CCSER1: variants seen among roughly 807,000 people sequenced by gnomAD.
The protein encoded by CCSER1 is serine-rich coiled-coil domain-containing protein 1.
CCSER1 carries 41 observed loss-of-function variants against 82.0 expected under a neutral mutation model. That is an observed-to-expected ratio of 0.50 (90% confidence interval 0.39 to 0.65). CCSER1 has a LOEUF of 0.65. Among genes scored for constraint, CCSER1 ranks in the 30% least tolerant of loss-of-function variants. The probability of loss-of-function intolerance (pLI) is 0.00; values close to 1 mark genes in which losing one functional copy is unlikely to be tolerated. For missense variants in CCSER1, 1,119 were observed against 1,064.2 expected, an observed-to-expected ratio of 1.05 and a Z score of -0.72; for synonymous variants, 414 against 383.9, an observed-to-expected ratio of 1.08 and a Z score of -0.92.
intron 9 of CCSER1, among the ~76,000 whole-genome samples, chr4:91,014,447 C>A (rs1158492451): frequency 7.4e-6 from 1 of 134,436 alleles, no homozygotes; most frequent in Non-Finnish European, 1.7e-5. Flanking sequence ...CCACGTCCTA[C>A]TCCTAAATTT....
intron 5 of CCSER1, among the ~76,000 whole-genome samples, chr4:90,490,593 G>A (rs959965023): frequency 2.6e-5 from 4 of 152,098 alleles, no homozygotes; most frequent in Non-Finnish European, 4.4e-5. Context: ...TGAAGTCCTT[G>A]CCCATGCCTA....
At chr4:91,305,660 T>C (rs1332154281) in intron 10 of CCSER1, among the ~76,000 whole-genome samples, 1 of 146,780 alleles carries the variant, frequency 6.8e-6, no homozygotes, top group Non-Finnish European at 1.5e-5. Flanking sequence ...TGTGTATGTA[T>C]GTGTGTGTGT....
At chr4:90,480,437 C>G (rs1051979807) in intron 5 of CCSER1, among the ~76,000 whole-genome samples, 1 of 152,150 alleles carries the variant, frequency 6.6e-6, no homozygotes, top group African/African-American at 2.4e-5. Context: ...GTGTTTTAGA[C>G]ATGAAGTCCT....
intron 5 of CCSER1, among the ~76,000 whole-genome samples, chr4:90,582,443 T>G (rs529853043): frequency 1.3e-5 from 2 of 152,334 alleles, no homozygotes; most frequent in African/African-American, 4.8e-5. Flanking sequence ...ACTTTAGTGT[T>G]AAAACATGGG....
intron 10 of CCSER1, among the ~76,000 whole-genome samples, chr4:91,142,022 A>C (rs1231451116): frequency 6.6e-6 from 1 of 152,122 alleles, no homozygotes; most frequent in Non-Finnish European, 1.5e-5. Flanking sequence ...TCAGATTCAA[A>C]ATTTGTGAAT....
chr4:90,405,735 A>G (rs1753613327), intron 4 of CCSER1, among the ~76,000 whole-genome samples: 8 of 152,196 alleles, frequency 5.3e-5, no homozygotes, highest in Admixed American at 5.2e-4. Context: ...CAATTATCAG[A>G]CAAGAATTTT....
intron 10 of CCSER1, among the ~76,000 whole-genome samples, chr4:91,528,310 T>C (rs1760866691): frequency 6.6e-6 from 1 of 152,186 alleles, no homozygotes; most frequent in Non-Finnish European, 1.5e-5. Flanking sequence ...CCAATAATAA[T>C]TAAGAAAGTG....
intron 10 of CCSER1, among the ~76,000 whole-genome samples, chr4:91,114,259 GTCAAGAAACATCATAATAC>G (rs1726357285): frequency 6.6e-6 from 1 of 152,210 alleles, no homozygotes; most frequent in South Asian, 2.1e-4. Flanking sequence ...TTGATTCAAA[GTCAAGAAACATCATAATAC>G]TCTTACTGTA....
At chr4:90,449,319 G>A (rs1238713866) in intron 4 of CCSER1, among the ~76,000 whole-genome samples, 1 of 152,214 alleles carries the variant, frequency 6.6e-6, no homozygotes, top group Non-Finnish European at 1.5e-5. Flanking sequence ...AGTGCTGATG[G>A]GTTCATGGGT....
At chr4:90,388,341 T>TCTCA (rs10650552) in intron 3 of CCSER1, among the ~76,000 whole-genome samples, 51,607 of 151,540 alleles carry the variant, frequency 0.34, 9,374 homozygotes, top group African/African-American at 0.46. Context: ...TGAGACAGAG[T>TCTCA]CTCTGTCACC....
intron 6 of CCSER1, among the ~76,000 whole-genome samples, chr4:90,628,851 G>T (rs1052581971): frequency 6.6e-6 from 1 of 152,088 alleles, no homozygotes; most frequent in East Asian, 1.9e-4. Context: ...GCTTTGGTTT[G>T]ATTTTTATAA....
intron 3 of CCSER1, among the ~76,000 whole-genome samples, chr4:90,338,175 C>A (rs1192460667): frequency 1.3e-5 from 2 of 152,174 alleles, no homozygotes; most frequent in Non-Finnish European, 2.9e-5. Flanking sequence ...GTTGTCCTCA[C>A]CTCCCACTAT....
chr4:91,481,895 T>C (rs899993225), intron 10 of CCSER1, among the ~76,000 whole-genome samples: 1 of 152,010 alleles, frequency 6.6e-6, no homozygotes, highest in Non-Finnish European at 1.5e-5. Flanking sequence ...GGCTAATATC[T>C]AGAATTTACA....
intron 1 of CCSER1, among the ~76,000 whole-genome samples, chr4:90,169,540 T>G (rs1477067961): frequency 6.6e-6 from 1 of 152,088 alleles, no homozygotes; most frequent in Non-Finnish European, 1.5e-5. Flanking sequence ...AGAGAGGGCA[T>G]CCCTGTCTTG....
At chr4:90,349,098 T>C (rs1425300404) in intron 3 of CCSER1, among the ~76,000 whole-genome samples, 2 of 152,158 alleles carry the variant, frequency 1.3e-5, no homozygotes, top group East Asian at 3.8e-4. Flanking sequence ...GATTCTGTTT[T>C]ATTTGCCTAA....
At chr4:90,872,970 T>A (rs963846337) in intron 8 of CCSER1, among the ~76,000 whole-genome samples, 1 of 152,014 alleles carries the variant, frequency 6.6e-6, no homozygotes, top group Non-Finnish European at 1.5e-5. Flanking sequence ...ATGTTACTTG[T>A]TTCTTTTCCC....
intron 3 of CCSER1, among the ~76,000 whole-genome samples, chr4:90,392,332 G>C (rs1246200087): frequency 1.3e-5 from 2 of 151,882 alleles, no homozygotes; most frequent in African/African-American, 4.8e-5. Flanking sequence ...TCAGATATTG[G>C]TTTAAATTCA....
chr4:91,001,743 C>A (rs1738059156), intron 9 of CCSER1, among the ~76,000 whole-genome samples: 1 of 152,164 alleles, frequency 6.6e-6, no homozygotes, highest in Admixed American at 6.5e-5. Flanking sequence ...AGCATTTAGA[C>A]CGTTTACATT....
At chr4:90,159,260 C>G (rs566131158) in intron 1 of CCSER1, among the ~76,000 whole-genome samples, 2 of 151,996 alleles carry the variant, frequency 1.3e-5, no homozygotes, top group African/African-American at 4.8e-5. Flanking sequence ...ACCCAGGCTG[C>G]TCTCAAACTC....
Sources: gnomAD v4.1 joint callset for allele counts (sites outside exome capture counted in the v4.1 genomes callset) on GRCh38, gnomAD v4.1.1 for gene constraint, MANE v1.5 for transcripts, NCBI Gene and HGNC (gene_info 2026-07-23, HGNC 2026-07-21) for gene names.